Variants in NACC2 observed in about 807,000 individuals in gnomAD.
The protein encoded by NACC2 is nucleus accumbens-associated protein 2.
A neutral mutation model predicts 25.1 loss-of-function variants in NACC2; 8 were observed. The ratio of observed to expected loss-of-function variants is 0.32; its 90% CI spans 0.19 to 0.57. The LOEUF is 0.57. Ranked by LOEUF, NACC2 falls within the 20% of genes least tolerant of loss-of-function variation. The pLI is 0.89. For synonymous variants in NACC2, 435 were observed against 294.7 expected (o/e 1.48, Z -4.88); for missense variants, 644 against 650.2 (o/e 0.99, Z 0.10).
chr9:136,081,321 A>G (rs995529729), intron 1 of NACC2, among the ~76,000 whole-genome samples: 3 of 152,012 alleles, frequency 2.0e-5, no homozygotes, highest in African/African-American at 7.3e-5. Context: ...CGACCTGCAC[A>G]CCACACACCC....
At chr9:136,092,739 G>C (rs1194815017) in intron 1 of NACC2, among the ~76,000 whole-genome samples, 2 of 152,178 alleles carry the variant, frequency 1.3e-5, no homozygotes, top group South Asian at 2.1e-4. Flanking sequence ...AAATGTGTTC[G>C]TTACACTGGG....
chr9:136,092,384 C>G (rs1312886048), intron 1 of NACC2, among the ~76,000 whole-genome samples: 4 of 152,230 alleles, frequency 2.6e-5, no homozygotes, highest in Non-Finnish European at 5.9e-5. Flanking sequence ...CAGACCCAGT[C>G]AGACCTCACA....
intron 1 of NACC2, among the ~76,000 whole-genome samples, chr9:136,063,865 C>T (rs1244059450): frequency 7.2e-6 from 1 of 138,842 alleles, no homozygotes; most frequent in Non-Finnish European, 1.5e-5. Context: ...GCCTGGGAAA[C>T]AGAGCGAGAC....
intron 1 of NACC2, among the ~76,000 whole-genome samples, chr9:136,074,393 C>G: frequency 7.0e-6 from 1 of 142,014 alleles, no homozygotes; most frequent in Non-Finnish European, 1.5e-5. Context: ...GCGGAGCTTG[C>G]AGTGAGCCGA....
rs927463432 is a variant in NACC2, at chr9:136,020,241, C to T, written c.887-3812G>A. On this transcript the variant is annotated intron_variant, in intron 2 of 5. Transcript: ENST00000277554. The surrounding 1 kb of genome is among the most constrained non-coding windows in gnomAD (Gnocchi z 4.7). ...GGGCCATGCAGGTCTGGAGGGAAAC[C>T]GGGTCTCATTGGCCTCACCCTGACT... Among the ~76,000 whole-genome samples the T allele has an allele frequency of 1.8e-4, 28 of 152,258 alleles. No individual in the cohort carries two copies. Among genetic ancestry groups the T allele is most frequent in the African/African-American group, 6.7e-4 (28 of 41,548 alleles).
At chr9:136,092,813 C>G (rs1304556296) in intron 1 of NACC2, among the ~76,000 whole-genome samples, 1 of 152,208 alleles carries the variant, frequency 6.6e-6, no homozygotes, top group Middle Eastern at 3.2e-3. Flanking sequence ...AGGGGTGCCA[C>G]CTGCTGCCCC....
At chr9:136,027,623 G>A (rs916445346) in intron 2 of NACC2, among the ~76,000 whole-genome samples, 14 of 151,712 alleles carry the variant, frequency 9.2e-5, no homozygotes, top group African/African-American at 1.5e-4. Flanking sequence ...ATAACACAAG[G>A]GCAAAAGGGA....
intron 1 of NACC2, among the ~76,000 whole-genome samples, chr9:136,082,251 G>A (rs1048728512): frequency 1.3e-5 from 2 of 152,186 alleles, no homozygotes; most frequent in Non-Finnish European, 2.9e-5. Context: ...GCCACGCCAC[G>A]GCCTGATGGA....
intron 2 of NACC2, among the ~76,000 whole-genome samples, chr9:136,024,394 TGTGTGAGGACAGA>T (rs1438435041): frequency 7.5e-5 from 10 of 133,542 alleles, no homozygotes; most frequent in Non-Finnish European, 1.6e-4. Context: ...GGACAGAGGG[TGTGTGAGGACAGA>T]GTGTGTGTGT....
At chr9:136,032,635 G>A (rs372586453) in intron 2 of NACC2, among the ~76,000 whole-genome samples, 5 of 152,216 alleles carry the variant, frequency 3.3e-5, no homozygotes, top group South Asian at 2.1e-4. Context: ...GGTGGCTCAC[G>A]TAGGTAATCC....
chr9:136,054,241 G>A (rs1840890210), intron 1 of NACC2, among the ~76,000 whole-genome samples: 2 of 152,204 alleles, frequency 1.3e-5, no homozygotes, highest in African/African-American at 4.8e-5. Context: ...CTCAGGAGCT[G>A]GAGCCCCAGG....
At position 136,084,765 on chromosome 9, in the gene NACC2, C is replaced by T. The variant is rs1371336893; in HGVS notation, c.-60+10424G>A. The stretch of plus-strand genomic sequence containing the variant: ...TACATCACGCAGCCTGGAGAAGGGA[C>T]GGGCTCCGCCACTCCCTGCAACCCG... On this transcript the variant is annotated intron_variant, in intron 1 of 5. Coordinates refer to ENST00000277554, the MANE Select transcript of NACC2 (RefSeq NM_144653.5). The surrounding 1 kb of genome is among the most constrained non-coding windows in gnomAD (Gnocchi z 5.1). 2.0e-5 allele frequency among the ~76,000 whole-genome samples: 3 copies of T among 152,232 alleles called. No individual in the cohort carries two copies. Among genetic ancestry groups the T allele is most frequent in the African/African-American group, 7.2e-5 (3 of 41,462 alleles).
chr9:136,046,085 A>G (rs1330982021), intron 2 of NACC2, among the ~76,000 whole-genome samples: 1 of 152,220 alleles, frequency 6.6e-6, no homozygotes, highest in Non-Finnish European at 1.5e-5. Context: ...GCTCCCGCTC[A>G]GGCCACAGCA....
intron 1 of NACC2, among the ~76,000 whole-genome samples, chr9:136,065,149 T>A (rs1841065280): frequency 6.6e-6 from 1 of 152,162 alleles, no homozygotes; most frequent in African/African-American, 2.4e-5. Context: ...GGTTAAACAA[T>A]GGATTCTTAG....
chr9:136,021,468 C>T (rs4842073), intron 2 of NACC2, among the ~76,000 whole-genome samples: 3 of 151,974 alleles, frequency 2.0e-5, no homozygotes, highest in Non-Finnish European at 2.9e-5. Context: ...CAAGTGCTGG[C>T]GAGGACACGG....
At chr9:136,050,707 C>A (rs1588571953) in intron 1 of NACC2, 127 bp from the exon 2 acceptor site, 1 of 618,740 alleles carries the variant, frequency 1.6e-6, no homozygotes, top group East Asian at 2.8e-5. Context: ...CGCGCCCTCC[C>A]CCGCCCCTCC....
chr9:136,074,644 A>ACCT, intron 1 of NACC2, among the ~76,000 whole-genome samples: 1 of 151,602 alleles, frequency 6.6e-6, no homozygotes. Context: ...TCCTCAAGGA[A>ACCT]CCTATCTCTG....
chr9:136,058,998 T>C (rs898232318), intron 1 of NACC2, among the ~76,000 whole-genome samples: 2 of 152,200 alleles, frequency 1.3e-5, no homozygotes, highest in Admixed American at 1.3e-4. Context: ...CCCGCCCTCC[T>C]GTCTGCAGGG....
intron 1 of NACC2, among the ~76,000 whole-genome samples, chr9:136,068,919 C>CTTTTT (rs35009638): frequency 1.4e-5 from 2 of 144,776 alleles, no homozygotes; most frequent in Non-Finnish European, 1.5e-5. Flanking sequence ...TGAAAGAATA[C>CTTTTT]TTTTTTTTTT....
Sources: allele counts gnomAD v4.1 joint callset (sites outside exome capture counted in the v4.1 genomes callset), GRCh38; gene constraint gnomAD v4.1.1; non-coding constraint Gnocchi (gnomAD v3.1); transcripts MANE v1.5; gene names NCBI Gene and HGNC (gene_info 2026-07-23, HGNC 2026-07-21).